IGSF3: variants seen among roughly 807,000 people sequenced by gnomAD.
The protein encoded by IGSF3 is immunoglobulin superfamily member 3.
IGSF3 carries 23 observed loss-of-function variants against 114.4 expected under a neutral mutation model. The observed-to-expected ratio is 0.20, with a 90% CI of 0.14 to 0.28. IGSF3 has a LOEUF of 0.28. IGSF3 is among the 10% of genes least tolerant of loss of function. IGSF3 has a pLI of 1.00. For missense variants in IGSF3, 1,172 were observed against 1,591.5 expected (o/e 0.74, Z 4.48); for synonymous variants, 571 against 645.2 (o/e 0.88, Z 1.74).
Position 116,614,014 on chromosome 1 carries a change from C to A in IGSF3, c.583G>T (p.Val195Phe), listed in dbSNP as rs763189523. ...RQKVGEKPVE[V>F]ISLSRDFMLH... is the part of the protein sequence containing the mutation. ...ATGAAATCTCGGCTCAGGGAGATGA[C>A]CTCCACGGGCTTCTCGCCAACTTTC... Residue 195 changes from valine (V) to phenylalanine (F), a missense_variant, in exon 4 of 11, where the codon GTC becomes TTC. Physicochemically the swap from Val to Phe is conservative, Grantham distance 50. Around this residue, in one of 3 missense-constraint regions of IGSF3, gnomAD observed 736 missense variants for 1,042.0 expected, o/e 0.71. Coordinates refer to ENST00000369486, the MANE Select transcript of IGSF3 (RefSeq NM_001007237.3). The surrounding 1 kb of genome is among the most constrained non-coding windows in gnomAD (Gnocchi z 4.5). The A allele has an allele frequency of 6.2e-7, 1 of 1,614,070 alleles. No individual in the cohort carries two copies. The highest frequency in any genetic ancestry group is 2.2e-5 in the East Asian group (1 of 44,886).
rs150560999 is a variant in IGSF3 at position 116,626,071 on chromosome 1, A to G, written c.44-9614T>C. On this transcript the variant is annotated intron_variant, in intron 2 of 10. Coordinates refer to ENST00000369486, the MANE Select transcript of IGSF3 (RefSeq NM_001007237.3). ...TGCTTCCTTAGAGGACTGCTAAACCATAACTCAAAAATATTTTAAACATGC... is the reference window on the plus strand; with the variant it reads ...TGCTTCCTTAGAGGACTGCTAAACCGTAACTCAAAAATATTTTAAACATGC... Among the ~76,000 whole-genome samples the G allele has an allele frequency of 6.5e-3, 990 of 152,354 alleles. 7 individuals are homozygous for G. Among genetic ancestry groups the G allele is most frequent in the Middle Eastern group, 0.02 (6 of 294 alleles).
rs1648239786 is a variant in IGSF3 at position 116,644,336 on chromosome 1, G to A, written c.43+21948C>T. ...TTGGCCGCTTGTTAAGGAGAGCCCTGAGCAGCAAGCTCCAGACGGGAGATG... is the reference window on the plus strand; with the variant it reads ...TTGGCCGCTTGTTAAGGAGAGCCCTAAGCAGCAAGCTCCAGACGGGAGATG... On this transcript the variant is annotated intron_variant, in intron 2 of 10. Transcript: ENST00000369486. This position sits in a 1 kb window ranked among gnomAD's most constrained non-coding sequence, Gnocchi z 5.6. Among the ~76,000 whole-genome samples the A allele has an allele frequency of 1.3e-5, 2 of 152,226 alleles. No homozygotes were observed. Among genetic ancestry groups the A allele is most frequent in the African/African-American group, 2.4e-5 (1 of 41,456 alleles).
At position 116,605,554 on chromosome 1, in the gene IGSF3, T is replaced by A. The variant is rs545284075; in HGVS notation, c.1223-1529A>T. Reference sequence around the variant, plus strand: ...AGCACTAATGGTTAAGGGGATGGATTTGGAGACTTCCTAACTCTGTAATCC... The same window carrying A: ...AGCACTAATGGTTAAGGGGATGGATATGGAGACTTCCTAACTCTGTAATCC... On this transcript the variant is annotated intron_variant, in intron 5 of 10. Transcript: ENST00000369486. The surrounding 1 kb of genome is among the most constrained non-coding windows in gnomAD (Gnocchi z 5.1). Among the ~76,000 whole-genome samples the A allele has an allele frequency of 5.9e-5, 9 of 152,226 alleles. No individual in the cohort carries two copies. In the South Asian group the frequency reaches 1.9e-3, roughly 32 times the overall value.
At position 116,651,049 on chromosome 1, in the gene IGSF3, A is replaced by C. The variant is rs1239489426; in HGVS notation, c.43+15235T>G. Among the ~76,000 whole-genome samples the C allele has an allele frequency of 6.6e-6, 1 of 152,166 alleles. No individual in the cohort carries two copies. Among genetic ancestry groups the C allele is most frequent in the Non-Finnish European group, 1.5e-5 (1 of 68,024 alleles). ...CCAGTGGTCTACAGTCCAGCCCACA[A>C]CCCTTCAGACAGAAGTTCCAGGCAC... On this transcript the variant is annotated intron_variant, in intron 2 of 10. Transcript: ENST00000369486. This position sits in a 1 kb window ranked among gnomAD's most constrained non-coding sequence, Gnocchi z 4.4.
intron 2 of IGSF3, among the ~76,000 whole-genome samples, chr1:116,630,136 G>C (rs1346727636): frequency 6.6e-6 from 1 of 152,184 alleles, no homozygotes; most frequent in Non-Finnish European, 1.5e-5. Flanking sequence ...ACAAGATTTG[G>C]GCTTTGAACA....
At position 116,579,920 on chromosome 1, in the gene IGSF3, T is replaced by C. The variant is rs1571111305; in HGVS notation, c.2849-43A>G. 1.3e-6 allele frequency: 2 copies of C among 1,518,062 alleles called. No individual in the cohort carries two copies. Among genetic ancestry groups the C allele is most frequent in the Middle Eastern group, 1.8e-4 (1 of 5,618 alleles). 94.0% of individuals were successfully genotyped at this position (1,518,062 alleles called of 1,614,324 possible). A position where few individuals can be genotyped will look rare whatever the true frequency, so the allele number is the denominator to read the frequency against. ...ACAAACAGGGAAGGGGTTGTTTAAA[T>C]TTATTTGCTCAAAATAAACTAAATG... On this transcript the variant is annotated intron_variant, in intron 9 of 10. Transcript: ENST00000369486. The surrounding 1 kb of genome is among the most constrained non-coding windows in gnomAD (Gnocchi z 6.4).
At chr1:116,656,293 C>CTTTTTT (rs56148691) in intron 2 of IGSF3, among the ~76,000 whole-genome samples, 1 of 62,436 alleles carries the variant, frequency 1.6e-5, no homozygotes. Flanking sequence ...TTTCTACATT[C>CTTTTTT]TTTTTTTTTT....
Position 116,628,100 on chromosome 1 carries a change from G to T in IGSF3, c.44-11643C>A, listed in dbSNP as rs988504956. On this transcript the variant is annotated intron_variant, in intron 2 of 10. Coordinates refer to ENST00000369486, the MANE Select transcript of IGSF3 (RefSeq NM_001007237.3). This position sits in a 1 kb window ranked among gnomAD's most constrained non-coding sequence, Gnocchi z 4.2. The stretch of plus-strand genomic sequence containing the variant: ...GAGCCCCAATAACTAGCTCCAGTGT[G>T]TGGGCAGAAGTGGAGAGGATGGAGA... 4.6e-5 allele frequency among the ~76,000 whole-genome samples: 7 copies of T among 152,236 alleles called. No homozygotes were observed. Among genetic ancestry groups the T allele is most frequent in the Non-Finnish European group, 8.8e-5 (6 of 68,046 alleles).
chr1:116,587,967 G>A (rs566971281), intron 8 of IGSF3, among the ~76,000 whole-genome samples: 1 of 152,260 alleles, frequency 6.6e-6, no homozygotes, highest in African/African-American at 2.4e-5. Context: ...ACAGAGAAGG[G>A]GCATACATTT....
At chr1:116,660,946 C>A (rs1357666454) in intron 2 of IGSF3, among the ~76,000 whole-genome samples, 1 of 152,166 alleles carries the variant, frequency 6.6e-6, no homozygotes, top group Non-Finnish European at 1.5e-5. Context: ...TTATCTTGAT[C>A]AAGGAAGCCA....
rs927156046 is a variant in IGSF3 at position 116,628,859 on chromosome 1, T to C, written c.44-12402A>G. Among the ~76,000 whole-genome samples the C allele has an allele frequency of 2.0e-5, 3 of 152,182 alleles. No homozygotes were observed. Among genetic ancestry groups the C allele is most frequent in the African/African-American group, 7.2e-5 (3 of 41,442 alleles). Reference sequence around the variant, plus strand: ...AGGACCATGTTCTTGAGCATAACTATGACCAGGCAGTAGGCAGTGGGCCCT... The same window carrying C: ...AGGACCATGTTCTTGAGCATAACTACGACCAGGCAGTAGGCAGTGGGCCCT... On this transcript the variant is annotated intron_variant, in intron 2 of 10. Transcript: ENST00000369486. The surrounding 1 kb of genome is among the most constrained non-coding windows in gnomAD (Gnocchi z 4.2).
At chr1:116,602,839 A>G (rs1158777003) in intron 6 of IGSF3, among the ~76,000 whole-genome samples, 1 of 152,262 alleles carries the variant, frequency 6.6e-6, no homozygotes, top group Non-Finnish European at 1.5e-5. Context: ...GATTATATCC[A>G]GGCAGATAAA....
In IGSF3 at chr1:116,592,710, C is replaced by T. The variant is rs201876130; in HGVS notation, c.2030-3606G>A. Reference sequence around the variant, plus strand: ...ATTTCTTCAATAAAGGATTCCCTTACGCTCTACTATAGCTGTGTTACTGCT... The same window carrying T: ...ATTTCTTCAATAAAGGATTCCCTTATGCTCTACTATAGCTGTGTTACTGCT... On this transcript the variant is annotated intron_variant, in intron 7 of 10. Coordinates refer to ENST00000369486, the MANE Select transcript of IGSF3 (RefSeq NM_001007237.3). The surrounding 1 kb of genome is among the most constrained non-coding windows in gnomAD (Gnocchi z 4.5). Among the ~76,000 whole-genome samples the T allele has an allele frequency of 2.8e-3, 432 of 152,308 alleles. 4 individuals are homozygous for T. The highest frequency in any genetic ancestry group is 6.2e-3 in the Admixed American group (95 of 15,298).
chr1:116,646,025 G>A (rs1159906776), intron 2 of IGSF3, among the ~76,000 whole-genome samples: 1 of 152,200 alleles, frequency 6.6e-6, no homozygotes, highest in Non-Finnish European at 1.5e-5. Context: ...TGACCATTTT[G>A]CAAAAGGCCA....
At chr1:116,619,608 T>C (rs1210377213) in intron 2 of IGSF3, among the ~76,000 whole-genome samples, 1 of 152,060 alleles carries the variant, frequency 6.6e-6, no homozygotes, top group Non-Finnish European at 1.5e-5. Flanking sequence ...CTTCCACACA[T>C]CCCACCCCAC....
In IGSF3 at chr1:116,598,749, G is replaced by A. The variant is rs1178407293; in HGVS notation, c.2029+1192C>T. 6.6e-6 allele frequency among the ~76,000 whole-genome samples: 1 copy of A among 152,192 alleles called. No homozygotes were observed. Among genetic ancestry groups the A allele is most frequent in the Non-Finnish European group, 1.5e-5 (1 of 68,042 alleles). On this transcript the variant is annotated intron_variant, in intron 7 of 10. Coordinates refer to ENST00000369486, the MANE Select transcript of IGSF3 (RefSeq NM_001007237.3). The surrounding 1 kb of genome is among the most constrained non-coding windows in gnomAD (Gnocchi z 4.3). ...GGTGTCTGTTCCAGCCGAGGCATGG[G>A]CTGGGCGAGGGAAGGAACACGGGAG...
intron 2 of IGSF3, among the ~76,000 whole-genome samples, chr1:116,626,165 T>C (rs543911479): frequency 2.6e-5 from 4 of 152,304 alleles, no homozygotes; most frequent in Non-Finnish European, 4.4e-5. Flanking sequence ...GTCTTTTATC[T>C]CTTCTGACTA....
intron 7 of IGSF3, among the ~76,000 whole-genome samples, chr1:116,590,694 C>T (rs1400092124): frequency 2.0e-5 from 3 of 152,078 alleles, no homozygotes; most frequent in African/African-American, 7.3e-5. Context: ...CAGGACCCAG[C>T]CCACTGGTCA....
Position 116,657,868 on chromosome 1 carries a change from C to G in IGSF3, c.43+8416G>C, listed in dbSNP as rs1196482089. ...CCAACTTAAGGCAAGCCTGGGCAAACTGCACTACATCAAAGAAAGAACACA... is the reference window on the plus strand; with the variant it reads ...CCAACTTAAGGCAAGCCTGGGCAAAGTGCACTACATCAAAGAAAGAACACA... On this transcript the variant is annotated intron_variant, in intron 2 of 10. Transcript: ENST00000369486. This position sits in a 1 kb window ranked among gnomAD's most constrained non-coding sequence, Gnocchi z 4.2. Among the ~76,000 whole-genome samples, 1 of 152,142 alleles carries G rather than the reference C, an allele frequency of 6.6e-6. No individual in the cohort carries two copies. The highest frequency in any genetic ancestry group is 2.4e-5 in the African/African-American group (1 of 41,426).
Sources: gnomAD v4.1 joint callset for allele counts (sites outside exome capture counted in the v4.1 genomes callset) on GRCh38, gnomAD v4.1.1 for gene constraint, gnomAD v4.1.1 regional missense constraint, Gnocchi (gnomAD v3.1) non-coding constraint, MANE v1.5 for transcripts, NCBI Gene and HGNC (gene_info 2026-07-23, HGNC 2026-07-21) for gene names.